Variants in PCCA observed in about 807,000 individuals in gnomAD.
The protein encoded by PCCA is propionyl-CoA carboxylase alpha chain, mitochondrial.
PCCA carries 74 observed loss-of-function variants against 101.3 expected under a neutral mutation model. The ratio of observed to expected loss-of-function variants is 0.73; its 90% CI spans 0.61 to 0.89. PCCA has a LOEUF of 0.89. Among genes scored for constraint, PCCA ranks in the 40% least tolerant of loss-of-function variants. The pLI is 0.00. For synonymous variants in PCCA, 294 were observed against 313.6 expected (o/e 0.94, Z 0.66); for missense variants, 891 against 907.0 (o/e 0.98, Z 0.23).
chr13:100,201,226 T>G (rs1252599912), intron 6 of PCCA, among the ~76,000 whole-genome samples: 1 of 152,240 alleles, frequency 6.6e-6, no homozygotes, highest in Non-Finnish European at 1.5e-5. Flanking sequence ...TCATTTAGTT[T>G]TAGCTCTACA....
At chr13:100,155,705 A>G (rs745899536) in intron 5 of PCCA, among the ~76,000 whole-genome samples, 39 of 152,234 alleles carry the variant, frequency 2.6e-4, no homozygotes, top group African/African-American at 9.2e-4. Context: ...TAATTATCAG[A>G]ACTAATTATA....
chr13:100,289,330 G>A (rs1157563041), intron 12 of PCCA, among the ~76,000 whole-genome samples: 1 of 151,876 alleles, frequency 6.6e-6, no homozygotes, highest in African/African-American at 2.4e-5. Context: ...ATGTGTATTT[G>A]TATAGATGGG....
chr13:100,268,864 C>T (rs1006336812), intron 11 of PCCA, 81 bp downstream of exon 11: 26 of 989,958 alleles, frequency 2.6e-5, no homozygotes, highest in African/African-American at 1.8e-4. Context: ...CATTCACTGA[C>T]GCATGCATTC....
chr13:100,184,492 G>A (rs1218087934), intron 6 of PCCA, among the ~76,000 whole-genome samples: 1 of 152,158 alleles, frequency 6.6e-6, no homozygotes, highest in Non-Finnish European at 1.5e-5. Context: ...TGTTGCACGA[G>A]CTTATGATGA....
intron 19 of PCCA, among the ~76,000 whole-genome samples, chr13:100,368,885 A>C (rs1228184549): frequency 6.6e-6 from 1 of 152,338 alleles, no homozygotes; most frequent in East Asian, 1.9e-4. Flanking sequence ...TTCCAAATGT[A>C]TGATAGTGGT....
intron 6 of PCCA, 29 bp from the exon 7 acceptor site, chr13:100,209,303 T>C: frequency 1.9e-6 from 3 of 1,606,214 alleles, no homozygotes; most frequent in Non-Finnish European, 2.6e-6. Context: ...ATGTTCTTGT[T>C]ATAAATTTTG....
intron 16 of PCCA, among the ~76,000 whole-genome samples, chr13:100,313,409 T>C (rs1263396223): frequency 6.6e-6 from 1 of 152,192 alleles, no homozygotes; most frequent in Non-Finnish European, 1.5e-5. Flanking sequence ...TCCCAAAATT[T>C]GGAGGCTAGG....
chr13:100,408,151 TAAAC>T (rs929635724), intron 19 of PCCA, among the ~76,000 whole-genome samples: 5 of 152,164 alleles, frequency 3.3e-5, no homozygotes, highest in South Asian at 2.1e-4. Context: ...GACTCCGTCT[TAAAC>T]AAACAAACAA....
intron 21 of PCCA, among the ~76,000 whole-genome samples, chr13:100,501,239 C>G (rs1054660251): frequency 6.6e-6 from 1 of 151,922 alleles, no homozygotes. Context: ...TGTAAACTTA[C>G]GAGGTACAAG....
chr13:100,284,760 C>T (rs759348474), intron 12 of PCCA, among the ~76,000 whole-genome samples: 13 of 152,182 alleles, frequency 8.5e-5, no homozygotes, highest in South Asian at 2.1e-4. Flanking sequence ...ACTCTGATTC[C>T]CAGTTCCTCT....
chr13:100,177,710 C>T (rs1049284660), intron 6 of PCCA, among the ~76,000 whole-genome samples: 4 of 151,804 alleles, frequency 2.6e-5, no homozygotes, highest in South Asian at 2.1e-4. Context: ...AACATAAGGA[C>T]GAAAAAAATC....
At position 100,434,239 on chromosome 13, in the gene PCCA, A is replaced by G. The variant is rs114471233; in HGVS notation, c.1845+8508A>G. Among the ~76,000 whole-genome samples, 1,238 of 152,238 alleles carry G rather than the reference A, an allele frequency of 8.1e-3. 21 individuals are homozygous for G. Among genetic ancestry groups the G allele is most frequent in the African/African-American group, 0.029 (1,184 of 41,520 alleles). On this transcript the variant is annotated intron_variant, in intron 20 of 23. Coordinates refer to ENST00000376285, the MANE Select transcript of PCCA (RefSeq NM_000282.4). ...CTGGTTTCATAGTTGTCTTTGCGGG[A>G]GAGGAATTCTGATGTCTGTGACTCA... is the stretch of plus-strand genomic sequence containing the variant.
chr13:100,377,004 G>A (rs980235572), intron 19 of PCCA, among the ~76,000 whole-genome samples: 2 of 152,190 alleles, frequency 1.3e-5, no homozygotes, highest in African/African-American at 4.8e-5. Context: ...TATCTGGGCT[G>A]AATAGCACTG....
chr13:100,391,020 G>T (rs555897046), intron 19 of PCCA, among the ~76,000 whole-genome samples: 225 of 151,502 alleles, frequency 1.5e-3, no homozygotes, highest in African/African-American at 5.0e-3. Flanking sequence ...AAGGGCCTCT[G>T]TGCTTTTTTT....
chr13:100,443,380 AG>A (rs1243910836), intron 20 of PCCA, among the ~76,000 whole-genome samples: 21 of 151,812 alleles, frequency 1.4e-4, no homozygotes, highest in Admixed American at 1.3e-3. Flanking sequence ...GCTGGAGTCC[AG>A]GCAGTTGCTG....
intron 17 of PCCA, among the ~76,000 whole-genome samples, chr13:100,332,287 T>C (rs2069740884): frequency 6.6e-6 from 1 of 152,208 alleles, no homozygotes; most frequent in African/African-American, 2.4e-5. Context: ...GATAACCAGT[T>C]CATTCTATTT....
intron 6 of PCCA, among the ~76,000 whole-genome samples, chr13:100,162,134 A>G (rs2054551303): frequency 6.7e-6 from 1 of 150,306 alleles, no homozygotes; most frequent in Non-Finnish European, 1.5e-5. Context: ...GTGTGCTAGA[A>G]TTTTGCTATC....
At chr13:100,399,652 G>T (rs531886523) in intron 19 of PCCA, among the ~76,000 whole-genome samples, 1 of 152,284 alleles carries the variant, frequency 6.6e-6, no homozygotes, top group Non-Finnish European at 1.5e-5. Flanking sequence ...GAAAGCAAAG[G>T]GCTGAATGGT....
At chr13:100,461,465 G>A (rs967596643) in intron 21 of PCCA, among the ~76,000 whole-genome samples, 1 of 152,180 alleles carries the variant, frequency 6.6e-6, no homozygotes, top group African/African-American at 2.4e-5. Flanking sequence ...TTCTTTATCT[G>A]TACTCTTGAG....
Sources: allele counts gnomAD v4.1 joint callset (sites outside exome capture counted in the v4.1 genomes callset), GRCh38; gene constraint gnomAD v4.1.1; transcripts MANE v1.5; gene names NCBI Gene and HGNC (gene_info 2026-07-23, HGNC 2026-07-21).